KAZN: variants seen among roughly 807,000 people sequenced by gnomAD.
KAZN encodes kazrin, periplakin interacting protein, also known as kazrin.
A neutral mutation model predicts 87.4 loss-of-function variants in KAZN; 40 were observed. The observed-to-expected ratio is 0.46, with a 90% CI of 0.36 to 0.60. The LOEUF (loss-of-function observed/expected upper bound fraction) is 0.60. Ranked by LOEUF, KAZN falls within the 20% of genes least tolerant of loss-of-function variation. KAZN has a pLI of 0.00. For missense variants in KAZN, 898 were observed against 1,073.9 expected, an observed-to-expected ratio of 0.84 and a Z score of 2.29; for synonymous variants, 466 against 458.3, an observed-to-expected ratio of 1.02 and a Z score of -0.22.
chr1:15,105,055 T>G (rs193155657), intron 13 of KAZN, among the ~76,000 whole-genome samples: 1 of 152,364 alleles, frequency 6.6e-6, no homozygotes, highest in Admixed American at 6.5e-5. Context: ...ATTGCTGGAT[T>G]AAATTTGTTA....
chr1:15,006,292 C>A (rs1239294665), intron 2 of KAZN, among the ~76,000 whole-genome samples: 2 of 152,196 alleles, frequency 1.3e-5, no homozygotes, highest in Admixed American at 1.3e-4. Flanking sequence ...TGAGCTAAAT[C>A]TTTGCTAGGC....
chr1:13,920,555 C>T (rs901868520), intron 1 of KAZN, among the ~76,000 whole-genome samples: 2 of 152,148 alleles, frequency 1.3e-5, no homozygotes, highest in Non-Finnish European at 2.9e-5. Context: ...CAGTCAAAGA[C>T]AGGTTTACTT....
intron 1 of KAZN, among the ~76,000 whole-genome samples, chr1:14,103,517 G>A (rs1009625367): frequency 6.6e-5 from 10 of 152,158 alleles, no homozygotes; most frequent in African/African-American, 2.4e-4. Flanking sequence ...TCAAAGTGTT[G>A]GCAGCTCCTT....
At chr1:13,899,961 G>A (rs1360564416) in intron 1 of KAZN, among the ~76,000 whole-genome samples, 1 of 152,116 alleles carries the variant, frequency 6.6e-6, no homozygotes, top group African/African-American at 2.4e-5. Context: ...ATATGGTGCT[G>A]ACAATGTAGC....
chr1:14,768,050 G>A (rs1028189434), intron 1 of KAZN, among the ~76,000 whole-genome samples: 1 of 152,114 alleles, frequency 6.6e-6, no homozygotes, highest in Non-Finnish European at 1.5e-5. Context: ...CGCGTATGTC[G>A]CCGTCGAGAT....
At chr1:14,618,581 C>A (rs1211605440) in intron 1 of KAZN, among the ~76,000 whole-genome samples, 1 of 152,150 alleles carries the variant, frequency 6.6e-6, no homozygotes, top group East Asian at 1.9e-4. Context: ...GTGTTTAATC[C>A]TCACATTGTT....
chr1:14,414,181 G>GT (rs973440459), intron 2 of KAZN, among the ~76,000 whole-genome samples: 7 of 152,144 alleles, frequency 4.6e-5, no homozygotes, highest in Non-Finnish European at 8.8e-5. Context: ...GAAGAGCATG[G>GT]TTTAATTTAC....
At position 14,043,722 on chromosome 1, in the gene KAZN, G is replaced by A. The variant is rs116624136; in HGVS notation, c.92-136713G>A. ...GTATTAGGTGAAGTACTGTGCATGC[G>A]TTATCCTCTTTAATCCTCACATCAA... On this transcript the variant is annotated intron_variant, in intron 1 of 16. Coordinates refer to the KAZN transcript ENST00000636203. 4.7e-3 allele frequency among the ~76,000 whole-genome samples: 709 copies of A among 152,050 alleles called. 4 individuals carry two copies. The highest frequency in any genetic ancestry group is 0.016 in the African/African-American group (676 of 41,462).
chr1:14,235,139 A>G (rs1410316662), intron 2 of KAZN, among the ~76,000 whole-genome samples: 1 of 152,246 alleles, frequency 6.6e-6, no homozygotes, highest in Admixed American at 6.5e-5. Context: ...CAAAAATGAC[A>G]TCAGCTGATG....
chr1:13,942,862 A>G (rs553805625), intron 1 of KAZN, among the ~76,000 whole-genome samples: 1 of 152,248 alleles, frequency 6.6e-6, no homozygotes, highest in Non-Finnish European at 1.5e-5. Context: ...AATTCAATAT[A>G]TGGGTTTAAC....
intron 2 of KAZN, among the ~76,000 whole-genome samples, chr1:14,339,877 C>T (rs984368248): frequency 2.6e-5 from 4 of 152,146 alleles, no homozygotes; most frequent in African/African-American, 7.2e-5. Flanking sequence ...CAGCCTTTCC[C>T]CCTTCCCATG....
intron 8 of KAZN, among the ~76,000 whole-genome samples, chr1:15,075,906 C>G (rs558869171): frequency 6.6e-6 from 1 of 152,236 alleles, no homozygotes; most frequent in African/African-American, 2.4e-5. Context: ...TCTGGCCCCA[C>G]CTGCCCTCCA....
chr1:14,356,273 G>A lies in KAZN; in HGVS notation c.249+175681G>A, dbSNP rs1659020969. 2.0e-5 allele frequency among the ~76,000 whole-genome samples: 3 copies of A among 151,846 alleles called. No homozygotes were observed. In the South Asian group the frequency reaches 6.2e-4, roughly 32 times the overall value. On this transcript the variant is annotated intron_variant, in intron 2 of 16. Coordinates refer to the KAZN transcript ENST00000636203. ...TATCCTTTGCCCACTTTTTGATGGG[G>A]TTGTTTTTCTCTTGTAAATTTGTTT...
intron 1 of KAZN, among the ~76,000 whole-genome samples, chr1:14,889,924 G>C (rs1298470320): frequency 6.6e-6 from 1 of 152,238 alleles, no homozygotes; most frequent in Non-Finnish European, 1.5e-5. Context: ...GCAACTAGCA[G>C]ACTGTGTCGG....
intron 2 of KAZN, among the ~76,000 whole-genome samples, chr1:14,434,832 C>A (rs1381190760): frequency 6.6e-6 from 1 of 152,068 alleles, no homozygotes; most frequent in Non-Finnish European, 1.5e-5. Context: ...CACTCGCTCT[C>A]GGTGGCCTCC....
At chr1:14,944,206 C>T (rs888888884) in intron 1 of KAZN, among the ~76,000 whole-genome samples, 2 of 149,930 alleles carry the variant, frequency 1.3e-5, no homozygotes, top group Non-Finnish European at 3.0e-5. Context: ...TCTGCCTCTT[C>T]CCGCTCCCAG....
At chr1:14,704,261 A>G (rs1212977224) in intron 1 of KAZN, among the ~76,000 whole-genome samples, 1 of 152,206 alleles carries the variant, frequency 6.6e-6, no homozygotes, top group Non-Finnish European at 1.5e-5. Flanking sequence ...ACCCAACCAT[A>G]AGGATCCTGT....
At chr1:14,249,384 A>G (rs760794864) in intron 2 of KAZN, among the ~76,000 whole-genome samples, 3 of 152,396 alleles carry the variant, frequency 2.0e-5, no homozygotes, top group Non-Finnish European at 2.9e-5. Context: ...AGATTGAATT[A>G]TTCAGAGAAA....
chr1:14,424,413 C>T (rs935975714), intron 2 of KAZN, among the ~76,000 whole-genome samples: 1 of 152,192 alleles, frequency 6.6e-6, no homozygotes, highest in Non-Finnish European at 1.5e-5. Context: ...AAGCCCAGAT[C>T]TGATGCCATA....
Sources: allele counts gnomAD v4.1 joint callset (sites outside exome capture counted in the v4.1 genomes callset), GRCh38; gene constraint gnomAD v4.1.1; transcripts MANE v1.5; gene names NCBI Gene and HGNC (gene_info 2026-07-23, HGNC 2026-07-21).